Variants in NRG1 observed in about 807,000 individuals in gnomAD.
The protein encoded by NRG1 is neuregulin 1, also known as pro-neuregulin-1, membrane-bound isoform.
NRG1 carries 18 observed loss-of-function variants against 63.8 expected under a neutral mutation model. The ratio of observed to expected loss-of-function variants is 0.28; its 90% confidence interval spans 0.19 to 0.42. The LOEUF (loss-of-function observed/expected upper bound fraction) is 0.42. Among genes scored for constraint, NRG1 ranks in the 10% least tolerant of loss-of-function variants. NRG1 has a pLI of 1.00. For missense variants in NRG1, 762 were observed against 814.7 expected, an observed-to-expected ratio of 0.94 and a Z score of 0.79; for synonymous variants, 302 against 301.3, an observed-to-expected ratio of 1.00 and a Z score of -0.02.
intron 5 of NRG1, among the ~76,000 whole-genome samples, chr8:32,691,738 A>G (rs958634622): frequency 1.3e-5 from 2 of 152,224 alleles, no homozygotes; most frequent in Non-Finnish European, 2.9e-5. Context: ...CAAAGAAGTT[A>G]TGGGAATTGT....
At chr8:32,012,196 C>G (rs1410759763) in intron 1 of NRG1, among the ~76,000 whole-genome samples, 1 of 152,066 alleles carries the variant, frequency 6.6e-6, no homozygotes, top group Admixed American at 6.6e-5. Flanking sequence ...GGAGCTAAAA[C>G]AGTTAGTCCC....
chr8:32,340,772 T>C (rs1803975515), intron 1 of NRG1, among the ~76,000 whole-genome samples: 1 of 152,196 alleles, frequency 6.6e-6, no homozygotes. Context: ...TTAAGCCCGA[T>C]ATCCTGTACT....
intron 1 of NRG1, among the ~76,000 whole-genome samples, chr8:31,708,027 T>C (rs1811320735): frequency 6.6e-6 from 1 of 152,206 alleles, no homozygotes; most frequent in Non-Finnish European, 1.5e-5. Context: ...AGCATGATAA[T>C]GGTTTTTGGT....
chr8:32,735,462 A>G (rs973418428), intron 6 of NRG1, among the ~76,000 whole-genome samples: 1 of 152,200 alleles, frequency 6.6e-6, no homozygotes, highest in African/African-American at 2.4e-5. Flanking sequence ...ATATTGAATG[A>G]TTTAAGGAAA....
chr8:32,168,631 A>C (rs1203342235), intron 1 of NRG1, among the ~76,000 whole-genome samples: 1 of 152,210 alleles, frequency 6.6e-6, no homozygotes, highest in African/African-American at 2.4e-5. Flanking sequence ...CCAACAATCT[A>C]AATTCTTGGA....
chr8:32,164,365 C>G (rs1839185566), intron 1 of NRG1, among the ~76,000 whole-genome samples: 1 of 152,168 alleles, frequency 6.6e-6, no homozygotes, highest in Non-Finnish European at 1.5e-5. Flanking sequence ...ATCTTGCAGT[C>G]TTCATGAAGC....
exon 12 of NRG1, chr8:32,764,620 TTTATG>T (rs570734373): frequency 2.2e-4 from 91 of 422,292 alleles, no homozygotes; most frequent in Admixed American, 4.9e-4. Flanking sequence ...CAATGGTGCC[TTTATG>T]TTATGTTATG....
chr8:32,735,014 G>T (rs1824643367), intron 6 of NRG1, among the ~76,000 whole-genome samples: 1 of 152,142 alleles, frequency 6.6e-6, no homozygotes, highest in Admixed American at 6.6e-5. Context: ...TCACAGGTTT[G>T]CCAAGTGCTA....
intron 1 of NRG1, among the ~76,000 whole-genome samples, chr8:32,178,127 C>T (rs1268418597): frequency 1.4e-4 from 21 of 151,900 alleles, no homozygotes; most frequent in Admixed American, 1.2e-3. Context: ...CCCAGAATTC[C>T]GAAAAACTCC....
intron 1 of NRG1, among the ~76,000 whole-genome samples, chr8:31,720,152 T>C (rs1353468147): frequency 2.6e-5 from 4 of 152,224 alleles, no homozygotes; most frequent in Non-Finnish European, 4.4e-5. Flanking sequence ...TATGAAAATG[T>C]ATTTTAATGA....
At chr8:31,758,151 C>T (rs138725939) in intron 1 of NRG1, among the ~76,000 whole-genome samples, 103 of 152,138 alleles carry the variant, frequency 6.8e-4, no homozygotes, top group African/African-American at 2.3e-3. Flanking sequence ...TGGTGGTTTG[C>T]TACACCCATC....
At chr8:32,130,996 C>G (rs1310244551) in intron 1 of NRG1, among the ~76,000 whole-genome samples, 2 of 151,916 alleles carry the variant, frequency 1.3e-5, no homozygotes, top group Non-Finnish European at 2.9e-5. Context: ...TATGTAGAAG[C>G]ATACCACCAT....
At chr8:32,648,484 C>T (rs1284576309) in intron 5 of NRG1, 20 of 1,469,078 alleles carry the variant, frequency 1.4e-5, no homozygotes, top group Non-Finnish European at 1.6e-5. Context: ...ATTTTAGTTG[C>T]CTGGTTTTGT....
At chr8:32,659,121 AG>A (rs1802199389) in intron 5 of NRG1, among the ~76,000 whole-genome samples, 1 of 150,302 alleles carries the variant, frequency 6.7e-6, no homozygotes, top group Non-Finnish European at 1.5e-5. Context: ...GTAGAATGGC[AG>A]TAATAAATCT....
intron 1 of NRG1, among the ~76,000 whole-genome samples, chr8:31,653,952 G>T (rs1805161005): frequency 2.5e-5 from 2 of 78,784 alleles, no homozygotes. Flanking sequence ...GTTTCATGAT[G>T]CGCTTTTTTT....
At position 31,640,798 on chromosome 8, in the gene NRG1, G is replaced by C; in HGVS notation, c.37+1367G>C. 3 of 1,433,692 alleles carry C rather than the reference G, an allele frequency of 2.1e-6. No homozygotes were observed. Among genetic ancestry groups the C allele is most frequent in the Non-Finnish European group, 2.7e-6 (3 of 1,094,466 alleles). The allele number at this position is 1,433,692 out of a possible 1,614,324, so 88.8% of individuals were successfully genotyped here. On this transcript the variant is annotated intron_variant, in intron 1 of 10. Coordinates refer to the NRG1 transcript ENST00000519301. The surrounding 1 kb of genome is among the most constrained non-coding windows in gnomAD (Gnocchi z 6.3). ...GCGCATCCCGGGCGCGCGGGCAGCG[G>C]GGCTCGACGGCCGCCCGAGCAAGGC...
intron 1 of NRG1, among the ~76,000 whole-genome samples, chr8:31,959,779 ATTATTTATTTATTTATTAT>A (rs1407039839): frequency 7.4e-6 from 1 of 135,044 alleles, no homozygotes; most frequent in African/African-American, 2.9e-5. Context: ...GCAACCACCG[ATTATTTATTTATTTATTAT>A]TTATTTATTT....
At chr8:32,552,762 A>G (rs1461192056) in intron 1 of NRG1, among the ~76,000 whole-genome samples, 1 of 152,242 alleles carries the variant, frequency 6.6e-6, no homozygotes, top group Non-Finnish European at 1.5e-5. Context: ...AGAAAGTTGT[A>G]TATTCAGACA....
At chr8:32,662,582 G>A (rs1445887498) in intron 5 of NRG1, among the ~76,000 whole-genome samples, 1 of 152,152 alleles carries the variant, frequency 6.6e-6, no homozygotes, top group Non-Finnish European at 1.5e-5. Flanking sequence ...AGATCCCGGT[G>A]GAAATAGTCG....
Sources: gnomAD v4.1 joint callset for allele counts (sites outside exome capture counted in the v4.1 genomes callset) on GRCh38, gnomAD v4.1.1 for gene constraint, Gnocchi (gnomAD v3.1) non-coding constraint, MANE v1.5 for transcripts, NCBI Gene and HGNC (gene_info 2026-07-23, HGNC 2026-07-21) for gene names.